PIWIL4: variants seen among roughly 807,000 people sequenced by gnomAD.
The protein encoded by PIWIL4 is piwi like RNA-mediated gene silencing 4.
Under a neutral mutation model 100.9 loss-of-function variants are expected in PIWIL4, and 50 were observed. The observed-to-expected ratio is 0.50, with a 90% CI of 0.39 to 0.63. The LOEUF is 0.63. Among genes scored for constraint, PIWIL4 ranks in the 20% least tolerant of loss-of-function variants. The probability of loss-of-function intolerance (pLI) is 0.00; values close to 1 mark genes in which losing one functional copy is unlikely to be tolerated. For missense variants in PIWIL4, 887 were observed against 1,043.3 expected (o/e 0.85, Z 2.06); for synonymous variants, 342 against 367.5 (o/e 0.93, Z 0.79).
chr11:94,620,805 T>C, intron 19 of PIWIL4, 71 bp from the exon 20 acceptor site: 1 of 1,215,908 alleles, frequency 8.2e-7, no homozygotes, highest in East Asian at 2.4e-5. Context: ...GTAGACAAAG[T>C]AAAATCAGAA....
At chr11:94,568,282 A>G (rs1033330007) in intron 1 of PIWIL4, among the ~76,000 whole-genome samples, 2 of 152,168 alleles carry the variant, frequency 1.3e-5, no homozygotes, top group Non-Finnish European at 2.9e-5. Flanking sequence ...AAAAGAGAAA[A>G]TGCTAATGGT....
intron 11 of PIWIL4, 133 bp downstream of exon 11, chr11:94,598,048 C>A (rs1008327796): frequency 2.0e-5 from 13 of 641,740 alleles, no homozygotes; most frequent in Non-Finnish European, 3.2e-5. Context: ...TATCCTAAGA[C>A]TTCAGATCCC....
chr11:94,618,191 A>G (rs1948866954), intron 17 of PIWIL4, 84 bp downstream of exon 17: 2 of 1,390,368 alleles, frequency 1.4e-6, no homozygotes, highest in African/African-American at 1.5e-5. Context: ...TTCAAGCATA[A>G]GTTTTGTTTT....
At chr11:94,613,422 G>A (rs1948808173) in intron 15 of PIWIL4, among the ~76,000 whole-genome samples, 1 of 152,100 alleles carries the variant, frequency 6.6e-6, no homozygotes, top group African/African-American at 2.4e-5. Context: ...ATTGTAATAT[G>A]TCTTGGTGAA....
intron 3 of PIWIL4, among the ~76,000 whole-genome samples, chr11:94,576,160 C>T (rs901312831): frequency 1.3e-5 from 2 of 152,044 alleles, no homozygotes; most frequent in Non-Finnish European, 2.9e-5. Flanking sequence ...TTGGAGACAG[C>T]GTCTCACTCT....
At chr11:94,586,156 C>T (rs1271171798) in intron 6 of PIWIL4, among the ~76,000 whole-genome samples, 3 of 151,606 alleles carry the variant, frequency 2.0e-5, no homozygotes, top group African/African-American at 4.8e-5. Flanking sequence ...GGAAAAATGA[C>T]GGAGTTTCCA....
Position 94,587,547 on chromosome 11 carries a change from C to T in PIWIL4, c.914+300C>T, listed in dbSNP as rs1344377008. Reference sequence around the variant, plus strand: ...CAGTTCAGTTCAATTCAGTTCACTTCAGTTGCCTGGATTCCCTTCCCCAAA... The same window carrying T: ...CAGTTCAGTTCAATTCAGTTCACTTTAGTTGCCTGGATTCCCTTCCCCAAA... On this transcript the variant is annotated intron_variant, in intron 7 of 19. Transcript: ENST00000299001. Among the ~76,000 whole-genome samples, 4 of 152,208 alleles carry T rather than the reference C, an allele frequency of 2.6e-5. No individual in the cohort carries two copies. In the East Asian group the frequency reaches 7.7e-4, roughly 29 times the overall value.
chr11:94,613,863 A>G (rs1948813240), intron 15 of PIWIL4, among the ~76,000 whole-genome samples: 1 of 152,128 alleles, frequency 6.6e-6, no homozygotes, highest in Admixed American at 6.5e-5. Flanking sequence ...CCTGGGTTCA[A>G]GTGATTCTCC....
At chr11:94,598,485 G>A (rs929084530) in intron 11 of PIWIL4, among the ~76,000 whole-genome samples, 2 of 152,092 alleles carry the variant, frequency 1.3e-5, no homozygotes, top group Non-Finnish European at 2.9e-5. Flanking sequence ...GCCACTTCCA[G>A]ACTTCGGCTG....
Position 94,608,658 on chromosome 11 carries a change from G to A in PIWIL4, c.1915G>A (p.Val639Met), listed in dbSNP as rs775127956. 16 of 1,613,974 alleles carry A rather than the reference G, an allele frequency of 9.9e-6. No individual in the cohort carries two copies. The highest frequency in any genetic ancestry group is 6.6e-5 in the South Asian group (6 of 91,080). ...LSKDVMVVGC[V>M]ASVNPRITRW... ...CAAGGACGTGATGGTTGTTGGATGC[G>A]TGGCCAGTGTTAACCCCAGAATCAC... The change falls in exon 15 of 20, where the codon GTG becomes ATG. Residue 639 changes from valine (V) to methionine (M), a missense_variant. Coordinates refer to ENST00000299001, the MANE Select transcript of PIWIL4 (RefSeq NM_152431.3).
chr11:94,613,388 C>T (rs1478865390), intron 15 of PIWIL4, among the ~76,000 whole-genome samples: 1 of 152,162 alleles, frequency 6.6e-6, no homozygotes, highest in Admixed American at 6.5e-5. Flanking sequence ...TCAACATTCT[C>T]TGTCTTTGAT....
Position 94,618,027 on chromosome 11 carries a change from G to A in PIWIL4, c.2088G>A (p.Gly696=). Reference sequence around the variant, plus strand: ...TAATTGTGTACCGTGCTGGTGTAGGGGATGGTCAGCTGAAAACACTTATTG... The same window carrying A: ...TAATTGTGTACCGTGCTGGTGTAGGAGATGGTCAGCTGAAAACACTTATTG... ...ARIIVYRAGV[G]DGQLKTLIEY... is the part of the protein sequence containing the mutation. The change falls in exon 17 of 20, where the codon GGG becomes GGA. Residue 696 remains glycine (G), a synonymous_variant. Transcript: ENST00000299001. The A allele has an allele frequency of 1.9e-6, 3 of 1,609,704 alleles. No individual in the cohort carries two copies. Among genetic ancestry groups the A allele is most frequent in the East Asian group, 2.2e-5 (1 of 44,706 alleles).
chr11:94,577,229 A>G, intron 3 of PIWIL4, 49 bp from the exon 4 acceptor site: 1 of 1,408,100 alleles, frequency 7.1e-7, no homozygotes, highest in South Asian at 1.2e-5. Flanking sequence ...TAATATTAAC[A>G]TGATGTGATT....
chr11:94,587,279 C>G, intron 7 of PIWIL4, 32 bp downstream of exon 7: 7 of 1,579,456 alleles, frequency 4.4e-6, no homozygotes, highest in Non-Finnish European at 6.1e-6. Flanking sequence ...AACTTTTCTT[C>G]AGAAATCAAT....
chr11:94,603,388 C>A (rs1355562193), intron 12 of PIWIL4, among the ~76,000 whole-genome samples: 1 of 152,310 alleles, frequency 6.6e-6, no homozygotes, highest in South Asian at 2.1e-4. Flanking sequence ...GTGAGAATTA[C>A]TTTTGGAGCT....
intron 19 of PIWIL4, 72 bp from the exon 20 acceptor site, chr11:94,620,804 G>A (rs1948896909): frequency 8.3e-7 from 1 of 1,205,930 alleles, no homozygotes; most frequent in Non-Finnish European, 1.2e-6. Context: ...AGTAGACAAA[G>A]TAAAATCAGA....
intron 11 of PIWIL4, among the ~76,000 whole-genome samples, 193 bp from the exon 12 acceptor site, chr11:94,601,602 C>T (rs558245156): frequency 1.1e-4 from 17 of 152,296 alleles, no homozygotes; most frequent in East Asian, 5.8e-4. Context: ...CCTGGGATGA[C>T]GCCCAGATGC....
Position 94,620,281 on chromosome 11 carries a change from G to C in PIWIL4, c.2442+137G>C, listed in dbSNP as rs372562788. On this transcript the variant is annotated intron_variant, in intron 19 of 19. Coordinates refer to ENST00000299001, the MANE Select transcript of PIWIL4 (RefSeq NM_152431.3). Reference sequence around the variant, plus strand: ...CTAAAGAAGGAATGAATGAATGAATGAATCAATGAATGAATCACTTCTTGA... The same window carrying C: ...CTAAAGAAGGAATGAATGAATGAATCAATCAATGAATGAATCACTTCTTGA... The C allele has an allele frequency of 1.9e-4, 188 of 989,574 alleles. 1 individual carries two copies. The highest frequency in any genetic ancestry group is 3.6e-4 in the African/African-American group (22 of 60,922). 61.3% of individuals were successfully genotyped at this position (989,574 alleles called of 1,614,324 possible).
chr11:94,583,888 A>C (rs1948360754), intron 5 of PIWIL4, among the ~76,000 whole-genome samples: 1 of 152,170 alleles, frequency 6.6e-6, no homozygotes, highest in South Asian at 2.1e-4. Context: ...CCAGACTTAA[A>C]AGTTCATTTA....
Sources: gnomAD v4.1 joint callset for allele counts (sites outside exome capture counted in the v4.1 genomes callset) on GRCh38, gnomAD v4.1.1 for gene constraint, MANE v1.5 for transcripts, NCBI Gene and HGNC (gene_info 2026-07-23, HGNC 2026-07-21) for gene names.